TNKS: variants seen among roughly 807,000 people sequenced by gnomAD.
TNKS encodes the protein tankyrase.
TNKS carries 72 observed loss-of-function variants against 135.8 expected under a neutral mutation model. The observed-to-expected ratio is 0.53, with a 90% CI of 0.44 to 0.64. The LOEUF (loss-of-function observed/expected upper bound fraction) is 0.64. TNKS is among the 30% of genes least tolerant of loss of function. The pLI is 0.00. For missense variants in TNKS, 1,769 were observed against 1,674.0 expected (o/e 1.06, Z -0.99); for synonymous variants, 849 against 649.3 (o/e 1.31, Z -4.68).
chr8:9,639,519 CT>C lies in TNKS; in HGVS notation c.994+23854del, dbSNP rs34044932. Among the ~76,000 whole-genome samples the C allele has an allele frequency of 3.6e-3, 502 of 139,866 alleles. 1 individual carries two copies. Among genetic ancestry groups the C allele is most frequent in the Non-Finnish European group, 4.5e-3 (284 of 63,778 alleles). The allele number at this position is 139,866 out of a possible 152,430, so 91.8% of individuals were successfully genotyped here. A position where few individuals can be genotyped will look rare whatever the true frequency, so the allele number is the denominator to read the frequency against. ...ACTATATAATCTTGTTTATCTAAGC[CT>C]TTTTTTTTTTTGGCTTTCTGGTTTT... On this transcript the variant is annotated intron_variant, in intron 3 of 26. Coordinates refer to ENST00000310430, the MANE Select transcript of TNKS (RefSeq NM_003747.3).
At chr8:9,678,509 A>G (rs1202214995) in intron 3 of TNKS, among the ~76,000 whole-genome samples, 1 of 152,206 alleles carries the variant, frequency 6.6e-6, no homozygotes, top group Non-Finnish European at 1.5e-5. Flanking sequence ...TAAACTTATA[A>G]CTTTATTGGT....
chr8:9,638,957 C>A (rs11775845), intron 3 of TNKS, among the ~76,000 whole-genome samples: 148,969 of 152,292 alleles, frequency 0.98, 72,938 homozygotes, highest in East Asian at 1. Flanking sequence ...AATTAAAAAG[C>A]GATGGAAGTG....
intron 2 of TNKS, among the ~76,000 whole-genome samples, chr8:9,595,178 A>T (rs549416803): frequency 2.6e-5 from 4 of 151,582 alleles, no homozygotes; most frequent in African/African-American, 9.7e-5. Context: ...CTGGAGTGCA[A>T]TGTGTGATCT....
intron 1 of TNKS, among the ~76,000 whole-genome samples, chr8:9,559,871 A>G (rs1229889862): frequency 6.6e-6 from 1 of 152,200 alleles, no homozygotes; most frequent in African/African-American, 2.4e-5. Context: ...AATATGGTTT[A>G]GAGACTGTGT....
chr8:9,693,212 G>T (rs936191932), intron 5 of TNKS, among the ~76,000 whole-genome samples: 2 of 152,134 alleles, frequency 1.3e-5, no homozygotes, highest in Non-Finnish European at 1.5e-5. Flanking sequence ...TTATGGTACA[G>T]CCACACAATG....
chr8:9,724,428 G>T (rs1272126984), intron 12 of TNKS, among the ~76,000 whole-genome samples: 4 of 151,448 alleles, frequency 2.6e-5, no homozygotes, highest in African/African-American at 9.7e-5. Flanking sequence ...TCTCTAAAAA[G>T]AAAGAACTAA....
intron 26 of TNKS, 73 bp from the exon 27 acceptor site, chr8:9,776,577 C>T: frequency 7.1e-7 from 1 of 1,401,320 alleles, no homozygotes; most frequent in Non-Finnish European, 1.0e-6. Flanking sequence ...GCCTTTGAGG[C>T]TTCCACATTC....
chr8:9,616,780 A>C (rs575243324), intron 3 of TNKS, among the ~76,000 whole-genome samples: 64 of 152,344 alleles, frequency 4.2e-4, no homozygotes, highest in African/African-American at 1.4e-3. Flanking sequence ...AGTAACATAC[A>C]CTAGAGTAAT....
chr8:9,560,487 A>G (rs1311626825), intron 1 of TNKS, among the ~76,000 whole-genome samples: 1 of 97,732 alleles, frequency 1.0e-5, no homozygotes, highest in Non-Finnish European at 2.0e-5. Context: ...GCATGGCCAT[A>G]CTTGTCTTTT....
chr8:9,606,900 A>C (rs1480331809), intron 2 of TNKS, among the ~76,000 whole-genome samples: 5 of 152,138 alleles, frequency 3.3e-5, no homozygotes, highest in Admixed American at 6.5e-5. Flanking sequence ...TTGTTAGTGC[A>C]GATCTGTGGA....
At position 9,765,688 on chromosome 8, in the gene TNKS, A is replaced by C. The variant is rs753962505; in HGVS notation, c.3448-4A>C. The C allele has an allele frequency of 1.9e-6, 3 of 1,611,202 alleles. No individual in the cohort carries two copies. The highest frequency in any genetic ancestry group is 1.1e-5 in the South Asian group (1 of 90,986). On this transcript the variant is annotated splice_polypyrimidine_tract_variant and splice_region_variant and intron_variant, in intron 23 of 26. Transcript: ENST00000310430. ...TAATGTTTCTTTCTTCTTCATCCTT[A>C]AAGATTCAAAAAGTTGTCAACAAGA...
chr8:9,781,860 C>A lies in TNKS; in HGVS notation c.*5124C>A, dbSNP rs12548832. 1 of 152,544 alleles carries A rather than the reference C, an allele frequency of 6.6e-6. No homozygotes were observed. The highest frequency in any genetic ancestry group is 1.9e-4 in the East Asian group (1 of 5,190). 9.4% of individuals were successfully genotyped at this position (152,544 alleles called of 1,614,324 possible). On this transcript the variant is annotated 3_prime_UTR_variant, in exon 27 of 27. Transcript: ENST00000310430. ...GACCCAACAGTGGCAGGGGTTACAA[C>A]CCCCTCTCCTTTCTTTTTTGTATTT...
At position 9,770,245 on chromosome 8, in the gene TNKS, A is replaced by C. The variant is rs1409406757; in HGVS notation, c.3880A>C (p.Ile1294Leu). Reference protein sequence around the residue: ...VNGLAYAEYVIYRGEQAYPEY... With the variant: ...VNGLAYAEYVLYRGEQAYPEY... The stretch of plus-strand genomic sequence containing the variant: ...TGGGCTGGCATATGCTGAATATGTC[A>C]TCTACAGAGGAGAACAGGTATGTTA... Residue 1294 changes from isoleucine (I) to leucine (L), a missense_variant, in exon 26 of 27, where the codon ATC becomes CTC. This residue lies in a region of TNKS where 722 missense variants were observed against 688.9 expected (regional missense o/e 1.05). Coordinates refer to ENST00000310430, the MANE Select transcript of TNKS (RefSeq NM_003747.3). The C allele has an allele frequency of 2.5e-6, 4 of 1,613,014 alleles. No homozygotes were observed. Among genetic ancestry groups the C allele is most frequent in the Non-Finnish European group, 3.4e-6 (4 of 1,179,668 alleles).
intron 2 of TNKS, among the ~76,000 whole-genome samples, chr8:9,596,593 A>G (rs983029088): frequency 2.0e-5 from 3 of 152,194 alleles, no homozygotes; most frequent in Middle Eastern, 3.4e-3. Context: ...TTCATATTCT[A>G]CTCCCTGATA....
intron 3 of TNKS, among the ~76,000 whole-genome samples, chr8:9,678,627 A>G (rs754711173): frequency 1.3e-5 from 2 of 152,254 alleles, no homozygotes; most frequent in Non-Finnish European, 2.9e-5. Context: ...GAGGCAAGAC[A>G]AAATTAAAGC....
At chr8:9,730,237 T>G (rs928021764) in intron 13 of TNKS, among the ~76,000 whole-genome samples, 12 of 152,038 alleles carry the variant, frequency 7.9e-5, no homozygotes, top group African/African-American at 7.2e-5. Flanking sequence ...CAGGGAGAGA[T>G]AAGGAGACAT....
rs1457159720 is a variant in TNKS, at chr8:9,584,494, A to T, written c.898+4111A>T. 6.6e-5 allele frequency among the ~76,000 whole-genome samples: 10 copies of T among 152,190 alleles called. No individual in the cohort carries two copies. In the East Asian group the frequency reaches 1.9e-3, roughly 29 times the overall value. ...CAGTGGCCTGGTCATAATGTTTCCT[A>T]CTAAAAGACAGTTGTGCTTCCTACT... On this transcript the variant is annotated intron_variant, in intron 2 of 26. Coordinates refer to ENST00000310430, the MANE Select transcript of TNKS (RefSeq NM_003747.3).
chr8:9,628,647 T>A lies in TNKS; in HGVS notation c.994+12970T>A, dbSNP rs548328513. Among the ~76,000 whole-genome samples, 3 of 152,232 alleles carry A rather than the reference T, an allele frequency of 2.0e-5. No individual in the cohort carries two copies. In the South Asian group the frequency reaches 6.2e-4, roughly 32 times the overall value. On this transcript the variant is annotated intron_variant, in intron 3 of 26. Transcript: ENST00000310430. ...TACTCCTCCCCATCTAACTTTGGGG[T>A]GATTTCATCGAGTCCATTTTAAATG...
chr8:9,683,772 T>G (rs1316566515), intron 5 of TNKS, among the ~76,000 whole-genome samples: 1 of 151,976 alleles, frequency 6.6e-6, no homozygotes, highest in Non-Finnish European at 1.5e-5. Flanking sequence ...GATTATCTAA[T>G]TAGGTAATAT....
Sources: gnomAD v4.1 joint callset for allele counts (sites outside exome capture counted in the v4.1 genomes callset) on GRCh38, gnomAD v4.1.1 for gene constraint, gnomAD v4.1.1 regional missense constraint, MANE v1.5 for transcripts, NCBI Gene and HGNC (gene_info 2026-07-23, HGNC 2026-07-21) for gene names.